The following PRKCA variants were observed in gnomAD, a reference collection of about 807,000 sequenced individuals.
PRKCA encodes protein kinase C alpha, also known as protein kinase C alpha type.
In PRKCA, 27 loss-of-function variants were observed where a neutral mutation model predicts 87.0. The observed-to-expected ratio is 0.31, with a 90% CI of 0.23 to 0.43. The LOEUF is 0.43. Among genes scored for constraint, PRKCA ranks in the 20% least tolerant of loss-of-function variants. The pLI is 1.00. For synonymous variants in PRKCA, 329 were observed against 311.1 expected (o/e 1.06, Z -0.61); for missense variants, 518 against 852.3 (o/e 0.61, Z 4.88).
intron 2 of PRKCA, among the ~76,000 whole-genome samples, chr17:66,369,707 A>G (rs1340800044): frequency 6.6e-6 from 1 of 152,146 alleles, no homozygotes; most frequent in African/African-American, 2.4e-5. Flanking sequence ...TTCTGGGAGA[A>G]CAGAGGGGAT....
At chr17:66,652,427 A>G (rs1006481948) in intron 5 of PRKCA, among the ~76,000 whole-genome samples, 5 of 152,156 alleles carry the variant, frequency 3.3e-5, no homozygotes, top group Non-Finnish European at 5.9e-5. Context: ...TACCAGTGTG[A>G]CATTTCTGGG....
intron 2 of PRKCA, among the ~76,000 whole-genome samples, chr17:66,322,805 C>T (rs62069959): frequency 0.16 from 24,531 of 151,938 alleles, 2,582 homozygotes; most frequent in Non-Finnish European, 0.24. Flanking sequence ...AACATTGGAT[C>T]ATATTTTTTA....
rs565648155 is a variant in PRKCA at position 66,318,137 on chromosome 17, A to G, written c.205+12010A>G. Among the ~76,000 whole-genome samples, 6 of 152,300 alleles carry G rather than the reference A, an allele frequency of 3.9e-5. No homozygotes were observed. In the South Asian group the frequency reaches 1.2e-3, roughly 32 times the overall value. On this transcript the variant is annotated intron_variant, in intron 2 of 16. Coordinates refer to ENST00000413366, the MANE Select transcript of PRKCA (RefSeq NM_002737.3). ...GTGAACTTAATTTTATCATGTGCCAAATTTGTTTAATACTGAAGTGACTTT... is the reference window on the plus strand; with the variant it reads ...GTGAACTTAATTTTATCATGTGCCAGATTTGTTTAATACTGAAGTGACTTT...
chr17:66,682,671 C>T (rs987154330), intron 5 of PRKCA, among the ~76,000 whole-genome samples: 1 of 152,120 alleles, frequency 6.6e-6, no homozygotes, highest in African/African-American at 2.4e-5. Flanking sequence ...AAAAAAAACT[C>T]ATTTTCAATA....
intron 3 of PRKCA, among the ~76,000 whole-genome samples, chr17:66,500,301 G>A (rs1916670546): frequency 6.6e-6 from 1 of 152,202 alleles, no homozygotes; most frequent in Admixed American, 6.5e-5. Flanking sequence ...TTGACTGGCT[G>A]TATGCAGGAT....
At position 66,786,063 on chromosome 17, in the gene PRKCA, T is replaced by C. The variant is rs565646193; in HGVS notation, c.1606-804T>C. Among the ~76,000 whole-genome samples, 121 of 152,192 alleles carry C rather than the reference T, an allele frequency of 8.0e-4. 1 individual carries two copies. The highest frequency in any genetic ancestry group is 5.4e-3 in the East Asian group (28 of 5,172). ...CAGGATGGTCTCGATCACCTGCCCT[T>C]GTGATCCGCCCGCCTCGGCCTCCCA... On this transcript the variant is annotated intron_variant, in intron 14 of 16. Coordinates refer to ENST00000413366, the MANE Select transcript of PRKCA (RefSeq NM_002737.3).
At chr17:66,640,929 G>A in intron 3 of PRKCA, 1 of 393,020 alleles carries the variant, frequency 2.5e-6, no homozygotes, top group Non-Finnish European at 5.0e-6. Flanking sequence ...GGGAGGCCAA[G>A]GCTGGTGCAT....
chr17:66,454,252 G>C (rs988361794), intron 2 of PRKCA, among the ~76,000 whole-genome samples: 1 of 152,220 alleles, frequency 6.6e-6, no homozygotes, highest in Non-Finnish European at 1.5e-5. Context: ...CAGTGTGCTG[G>C]CTTCCTGGGG....
chr17:66,772,524 C>G (rs967215878), intron 13 of PRKCA, among the ~76,000 whole-genome samples: 2 of 151,838 alleles, frequency 1.3e-5, no homozygotes, highest in Non-Finnish European at 2.9e-5. Flanking sequence ...CAGAACATTT[C>G]AAAGTAAAAG....
chr17:66,576,901 G>A (rs563129386), intron 3 of PRKCA, among the ~76,000 whole-genome samples: 1 of 148,706 alleles, frequency 6.7e-6, no homozygotes, highest in Admixed American at 6.7e-5. Flanking sequence ...TTGAGACAGG[G>A]TCTTGCTCTT....
chr17:66,481,009 C>T (rs1019296261), intron 2 of PRKCA, among the ~76,000 whole-genome samples: 5 of 151,974 alleles, frequency 3.3e-5, no homozygotes, highest in African/African-American at 7.2e-5. Flanking sequence ...TAGGTGTTAC[C>T]GCAGAACGCT....
At chr17:66,607,948 A>G (rs939114256) in intron 3 of PRKCA, among the ~76,000 whole-genome samples, 2 of 152,248 alleles carry the variant, frequency 1.3e-5, no homozygotes, top group African/African-American at 2.4e-5. Context: ...AGTCTCTTCC[A>G]TTTTAAGATA....
At chr17:66,735,150 C>T (rs1204217310) in intron 9 of PRKCA, among the ~76,000 whole-genome samples, 7 of 152,186 alleles carry the variant, frequency 4.6e-5, no homozygotes, top group Non-Finnish European at 1.0e-4. Flanking sequence ...AGTCAGCTTT[C>T]ACTCTAAGGA....
intron 3 of PRKCA, among the ~76,000 whole-genome samples, chr17:66,501,656 A>G (rs1453626051): frequency 1.3e-5 from 2 of 152,222 alleles, no homozygotes; most frequent in Non-Finnish European, 2.9e-5. Context: ...GTGTGGCCCT[A>G]GAATGCAGCT....
intron 8 of PRKCA, among the ~76,000 whole-genome samples, chr17:66,731,241 G>A (rs905766627): frequency 1.3e-5 from 2 of 151,774 alleles, no homozygotes; most frequent in Non-Finnish European, 2.9e-5. Context: ...CTACTCAAGA[G>A]GCTGAGGCAG....
chr17:66,498,612 T>C (rs1916586835), intron 3 of PRKCA, among the ~76,000 whole-genome samples: 2 of 152,240 alleles, frequency 1.3e-5, no homozygotes, highest in African/African-American at 4.8e-5. Context: ...CTGGACATTC[T>C]GCTGTGGGAA....
At chr17:66,414,547 A>G (rs1025905121) in intron 2 of PRKCA, among the ~76,000 whole-genome samples, 1 of 152,238 alleles carries the variant, frequency 6.6e-6, no homozygotes, top group Admixed American at 6.5e-5. Context: ...ATACAACCAG[A>G]GGCCAAATAC....
rs537690327 is a variant in PRKCA, at chr17:66,759,743, A to C, written c.1525-14244A>C. ...GATTAAAAGTAAGTGGATATAAAAG[A>C]TATATCATGCTAATACTAATCAAAG... On this transcript the variant is annotated intron_variant, in intron 13 of 16. Transcript: ENST00000413366. 8.5e-5 allele frequency among the ~76,000 whole-genome samples: 13 copies of C among 152,362 alleles called. No individual in the cohort carries two copies. The South Asian group carries it at 2.7e-3, about 32-fold the overall frequency.
At chr17:66,581,058 C>T (rs916797445) in intron 3 of PRKCA, among the ~76,000 whole-genome samples, 2 of 152,190 alleles carry the variant, frequency 1.3e-5, no homozygotes, top group Non-Finnish European at 2.9e-5. Flanking sequence ...GGCACAGAGC[C>T]ACTTGTTAGG....
Sources: gnomAD v4.1 joint callset for allele counts (sites outside exome capture counted in the v4.1 genomes callset) on GRCh38, gnomAD v4.1.1 for gene constraint, MANE v1.5 for transcripts, NCBI Gene and HGNC (gene_info 2026-07-23, HGNC 2026-07-21) for gene names.